The following GPR143 variants were observed in gnomAD, a reference collection of about 807,000 sequenced individuals.
GPR143 encodes G protein-coupled receptor 143, also known as G-protein coupled receptor 143.
Under a neutral mutation model 27.6 loss-of-function variants are expected in GPR143, and 8 were observed. The ratio of observed to expected loss-of-function variants is 0.29; its 90% CI spans 0.17 to 0.52. GPR143 has a LOEUF of 0.52. GPR143 is among the 20% of genes least tolerant of loss of function. GPR143 has a pLI of 0.96. For synonymous variants in GPR143, 156 were observed against 153.2 expected, an observed-to-expected ratio of 1.02 and a Z score of -0.13; for missense variants, 303 against 343.1, an observed-to-expected ratio of 0.88 and a Z score of 0.92.
intron 8 of GPR143, among the ~76,000 whole-genome samples, chrX:9,731,378 A>AC (rs1352443078): frequency 4.5e-5 from 5 of 110,863 alleles, no homozygotes; most frequent in Non-Finnish European, 9.4e-5. Context: ...CAAAAAAAAA[A>AC]AGGGAAGGAG....
chrX:9,772,711 G>T (rs1440170284), intron 1 of GPR143, among the ~76,000 whole-genome samples: 1 of 107,267 alleles, frequency 9.3e-6, no homozygotes, highest in Non-Finnish European at 1.9e-5. Context: ...TGCTGTTGGG[G>T]GCTGAGGCGG....
chrX:9,737,539 C>CA (rs975521996), intron 8 of GPR143, among the ~76,000 whole-genome samples: 2 of 111,340 alleles, frequency 1.8e-5, no homozygotes, highest in Non-Finnish European at 3.8e-5. Flanking sequence ...AAAGGAGATT[C>CA]ATGGTTGCCA....
upstream of GPR143, among the ~76,000 whole-genome samples, chrX:9,770,323 AAGAGAGAGAGAGAG>A (rs201287124): frequency 5.1e-4 from 45 of 88,869 alleles, no homozygotes; most frequent in African/African-American, 1.3e-3. Flanking sequence ...AAGAAAGAAA[AAGAGAGAGAGAGAG>A]AGAGAGAGAG....
At chrX:9,755,172 C>T (rs1449924122) in intron 3 of GPR143, among the ~76,000 whole-genome samples, 2 of 112,030 alleles carry the variant, frequency 1.8e-5, no homozygotes, top group Non-Finnish European at 3.8e-5. Flanking sequence ...AATCCCAACA[C>T]TTTGGGATGC....
chrX:9,743,652 C>T lies in GPR143; in HGVS notation c.680G>A (p.Arg227Lys). The T allele has an allele frequency of 8.6e-7, 1 of 1,157,859 alleles. No individual in the cohort carries two copies. The highest frequency in any genetic ancestry group is 1.2e-6 in the Non-Finnish European group (1 of 846,179). The change falls in exon 6 of 9, where the codon AGA becomes AAA. Residue 227 changes from arginine (R) to lysine (K), a missense_variant. By Grantham distance (26) the Arg-to-Lys change is conservative. Transcript: ENST00000467482. ...VTAVASLLKGRQGIYTENERR... is the reference protein window; with the variant it reads ...VTAVASLLKGKQGIYTENERR... ...CTCGTTCTCCGTGTAAATGCCTTGT[C>T]TTCCTTTAAGTAAAGAGGCCACTGT... is the stretch of plus-strand genomic sequence containing the variant.
At chrX:9,729,473 G>C (rs1207072420) in intron 8 of GPR143, among the ~76,000 whole-genome samples, 1 of 111,664 alleles carries the variant, frequency 9.0e-6, no homozygotes, top group Non-Finnish European at 1.9e-5. Context: ...CTCCATGGAA[G>C]AGAATATTTA....
intron 3 of GPR143, among the ~76,000 whole-genome samples, chrX:9,753,000 T>A (rs1188790656): frequency 1.8e-5 from 2 of 111,140 alleles, no homozygotes; most frequent in Non-Finnish European, 3.8e-5. Flanking sequence ...CAGGACCATG[T>A]CAGTTTAAGT....
upstream of GPR143, among the ~76,000 whole-genome samples, chrX:9,767,796 T>C (rs146946813): frequency 2.3e-3 from 264 of 112,588 alleles, 1 homozygote; most frequent in African/African-American, 8.2e-3. Flanking sequence ...AATTCTAATA[T>C]CTAATTTGGA....
intron 8 of GPR143, among the ~76,000 whole-genome samples, chrX:9,733,913 C>G (rs2083366724): frequency 9.1e-6 from 1 of 110,053 alleles, no homozygotes; most frequent in Non-Finnish European, 1.9e-5. Context: ...AACTCCGTCT[C>G]TACTAAAAAT....
intron 5 of GPR143, among the ~76,000 whole-genome samples, chrX:9,744,710 A>C (rs2083420501): frequency 8.9e-6 from 1 of 112,333 alleles, no homozygotes; most frequent in Non-Finnish European, 1.9e-5. Context: ...ATCTCAAAAA[A>C]ATAAAAATAG....
intron 8 of GPR143, among the ~76,000 whole-genome samples, chrX:9,733,399 C>T (rs2083364441): frequency 9.4e-6 from 1 of 106,904 alleles, no homozygotes; most frequent in Non-Finnish European, 2.0e-5. Context: ...ACCATGAAGC[C>T]ATATTGTGGG....
At chrX:9,764,375 C>T (rs1162629017) in intron 1 of GPR143, among the ~76,000 whole-genome samples, 1 of 111,167 alleles carries the variant, frequency 9.0e-6, no homozygotes, top group East Asian at 2.8e-4. Context: ...AGGATTTGGT[C>T]TGAGGGCTGC....
rs1338345795 is a variant in GPR143, at chrX:9,765,834, C to T, written c.-17G>A. ...GGAGGCCATGGGCTGTGTTCGCGGA[C>T]GCGGCTCGGGTGTGCCAGGACCCCG... On this transcript the variant is annotated 5_prime_UTR_variant, in exon 1 of 9. Transcript: ENST00000467482. 3 of 1,076,219 alleles carry T rather than the reference C, an allele frequency of 2.8e-6. No individual in the cohort carries two copies. The highest frequency in any genetic ancestry group is 6.4e-5 in the Admixed American group (2 of 31,013). The allele number at this position is 1,076,219 out of a possible 1,213,427, so 88.7% of individuals were successfully genotyped here. A position where few individuals can be genotyped will look rare whatever the true frequency, so the allele number is the denominator to read the frequency against.
At chrX:9,746,760 CAT>C (rs765267004) in intron 4 of GPR143, among the ~76,000 whole-genome samples, 15 of 109,699 alleles carry the variant, frequency 1.4e-4, no homozygotes, top group African/African-American at 5.0e-4. Context: ...GCCTCACAAA[CAT>C]ATGTTACCAA....
intron 8 of GPR143, among the ~76,000 whole-genome samples, chrX:9,732,166 G>C (rs1030880910): frequency 4.5e-5 from 5 of 111,728 alleles, no homozygotes; most frequent in Non-Finnish European, 7.5e-5. Flanking sequence ...CCATGGGAAA[G>C]ACAGAGATTG....
chrX:9,745,162 G>A (rs1277263136), intron 5 of GPR143, among the ~76,000 whole-genome samples: 2 of 112,382 alleles, frequency 1.8e-5, no homozygotes, highest in Admixed American at 1.9e-4. Flanking sequence ...GGCTGAGGCA[G>A]GAGAATCACT....
intron 8 of GPR143, chrX:9,738,130 A>G (rs2083386683): frequency 8.9e-6 from 1 of 112,399 alleles, no homozygotes; most frequent in African/African-American, 3.2e-5. Context: ...TGAGCAGAAG[A>G]TCTATGCAAC....
At chrX:9,729,799 T>C (rs558189944) in intron 8 of GPR143, among the ~76,000 whole-genome samples, 7 of 112,195 alleles carry the variant, frequency 6.2e-5, no homozygotes, top group African/African-American at 2.3e-4. Flanking sequence ...ACTGGCCCTC[T>C]TTAATGAGCC....
intron 1 of GPR143, among the ~76,000 whole-genome samples, chrX:9,774,037 T>C (rs1213847070): frequency 9.3e-6 from 1 of 107,753 alleles, no homozygotes; most frequent in Non-Finnish European, 1.9e-5. Context: ...CTAATCTCAG[T>C]GACTTGGGAG....
Sources: gnomAD v4.1 joint callset for allele counts (sites outside exome capture counted in the v4.1 genomes callset) on GRCh38, gnomAD v4.1.1 for gene constraint, MANE v1.5 for transcripts, NCBI Gene and HGNC (gene_info 2026-07-23, HGNC 2026-07-21) for gene names.